STAB2: variants seen among roughly 807,000 people sequenced by gnomAD.
The protein encoded by STAB2 is stabilin-2.
Under a neutral mutation model 338.1 loss-of-function variants are expected in STAB2, and 288 were observed. The ratio of observed to expected loss-of-function variants is 0.85; its 90% CI spans 0.77 to 0.94. The LOEUF (loss-of-function observed/expected upper bound fraction) is 0.94. Ranked by LOEUF, STAB2 falls within the 40% of genes least tolerant of loss-of-function variation. The pLI is 0.00. For synonymous variants in STAB2, 1,202 were observed against 1,193.3 expected, an observed-to-expected ratio of 1.01 and a Z score of -0.15; for missense variants, 3,141 against 3,210.1, an observed-to-expected ratio of 0.98 and a Z score of 0.52.
chr12:103,731,506 TGAG>T, intron 49 of STAB2, 67 bp from the exon 50 acceptor site: 1 of 1,542,982 alleles, frequency 6.5e-7, no homozygotes, highest in Admixed American at 1.8e-5. Flanking sequence ...TTTTTTCACT[TGAG>T]CTCTTGTTAA....
At chr12:103,653,410 G>C (rs1030669331) in intron 12 of STAB2, among the ~76,000 whole-genome samples, 5 of 152,222 alleles carry the variant, frequency 3.3e-5, no homozygotes, top group African/African-American at 1.2e-4. Flanking sequence ...CATAATCCCT[G>C]TTGCTCCAGT....
intron 10 of STAB2, among the ~76,000 whole-genome samples, chr12:103,649,368 G>A (rs966869783): frequency 6.6e-6 from 1 of 152,172 alleles, no homozygotes; most frequent in East Asian, 1.9e-4. Context: ...CCCAGGCAAG[G>A]TGAGAGCCTA....
intron 18 of STAB2, 114 bp from the exon 19 acceptor site, chr12:103,666,177 A>T: frequency 9.7e-7 from 1 of 1,031,192 alleles, no homozygotes; most frequent in Non-Finnish European, 1.5e-6. Context: ...GGCCAGGATC[A>T]TGGCTCAGTG....
chr12:103,686,012 A>G (rs1186256471), intron 27 of STAB2, among the ~76,000 whole-genome samples: 1 of 152,024 alleles, frequency 6.6e-6, no homozygotes, highest in Non-Finnish European at 1.5e-5. Context: ...AACTTGTGAT[A>G]TTTGTCCCTC....
intron 43 of STAB2, among the ~76,000 whole-genome samples, chr12:103,717,346 A>G (rs766967303): frequency 6.6e-6 from 1 of 152,208 alleles, no homozygotes; most frequent in South Asian, 2.1e-4. Flanking sequence ...GTCTCTCCTT[A>G]GCATCTCCTA....
intron 54 of STAB2, 104 bp downstream of exon 54, chr12:103,739,572 T>TGTGTGTGTGTGTGTGTGTGTGC (rs373686630): frequency 2.7e-6 from 2 of 735,828 alleles, no homozygotes; most frequent in Admixed American, 3.8e-5. Context: ...TGTGTGTGTG[T>TGTGTGTGTGTGTGTGTGTGTGC]GCCCGTGCAC....
At chr12:103,758,424 G>C in intron 64 of STAB2, 135 bp downstream of exon 64, 1 of 1,443,552 alleles carries the variant, frequency 6.9e-7, no homozygotes, top group South Asian at 1.3e-5. Context: ...AGATCAGTTG[G>C]CCACTCCCTT....
intron 3 of STAB2, among the ~76,000 whole-genome samples, chr12:103,614,300 G>A (rs1018507306): frequency 2.0e-5 from 3 of 152,206 alleles, no homozygotes; most frequent in Non-Finnish European, 4.4e-5. Context: ...AAGGCATAGA[G>A]TGGAGCTCTT....
chr12:103,609,756 G>T (rs1210902705), intron 3 of STAB2, among the ~76,000 whole-genome samples: 1 of 152,122 alleles, frequency 6.6e-6, no homozygotes, highest in Admixed American at 6.5e-5. Flanking sequence ...GGACATCCCT[G>T]TCTTGTGCCA....
intron 47 of STAB2, among the ~76,000 whole-genome samples, chr12:103,728,419 T>C (rs563717266): frequency 1.3e-5 from 2 of 152,364 alleles, no homozygotes; most frequent in South Asian, 4.1e-4. Flanking sequence ...CTTGTTTGTA[T>C]TTTGAATTCC....
Position 103,655,237 on chromosome 12 carries a change from A to T in STAB2, c.1552-14A>T. 1.2e-6 allele frequency: 2 copies of T among 1,601,486 alleles called. No individual in the cohort carries two copies. Among genetic ancestry groups the T allele is most frequent in the Non-Finnish European group, 1.7e-6 (2 of 1,176,228 alleles). On this transcript the variant is annotated splice_polypyrimidine_tract_variant and intron_variant, in intron 13 of 68. Coordinates refer to ENST00000388887, the MANE Select transcript of STAB2 (RefSeq NM_017564.10). ...TTTTATTTCCTGATTTTTAAGCAAA[A>T]TGTCTCTTTTTAGCAAACCATAATG...
chr12:103,740,721 G>C lies in STAB2; in HGVS notation c.5846G>C (p.Arg1949Thr), dbSNP rs764971833. The C allele has an allele frequency of 3.7e-6, 6 of 1,600,828 alleles. No homozygotes were observed. In the African/African-American group the frequency reaches 8.1e-5, roughly 22 times the overall value. The part of the protein sequence containing the change: ...ERCSLVIQIP[R>T]CCKGYFGRDC... ...TGCAGCCTGGTGATACAGATCCCCA[G>C]GTGCTGCAAGGGCTACTTCGGGCGA... The change falls in exon 55 of 69, where the codon AGG becomes ACG. Residue 1949 changes from arginine (R) to threonine (T), a missense_variant. By Grantham distance (71) the Arg-to-Thr change is moderately conservative. Transcript: ENST00000388887.
chr12:103,763,838 G>A, intron 68 of STAB2: 2 of 442,600 alleles, frequency 4.5e-6, no homozygotes, highest in South Asian at 4.2e-5. Flanking sequence ...ACAGAGACAG[G>A]CGAGAACAAG....
chr12:103,664,390 C>T (rs926901551), intron 18 of STAB2, among the ~76,000 whole-genome samples: 6 of 152,278 alleles, frequency 3.9e-5, no homozygotes, highest in Admixed American at 6.5e-5. Flanking sequence ...GTGATCTGCC[C>T]GCCTCGGCCT....
chr12:103,762,341 C>T lies in STAB2; in HGVS notation c.7427C>T (p.Ala2476Val), dbSNP rs751834144. 6.2e-7 allele frequency: 1 copy of T among 1,614,198 alleles called. No individual in the cohort carries two copies. Among genetic ancestry groups the T allele is most frequent in the Non-Finnish European group, 8.5e-7 (1 of 1,180,044 alleles). The part of the protein sequence containing the change: ...FAIILVTGAV[A>V]LAAYSYFRIN... ...ATCATCCTGGTGACTGGGGCTGTTG[C>T]CTTGGCTGCTTACTCCTACTTTCGG... The change falls in exon 67 of 69, where the codon GCC (alanine) becomes GTC (valine). Residue 2476 changes from alanine (A) to valine (V), a missense_variant. Coordinates refer to ENST00000388887, the MANE Select transcript of STAB2 (RefSeq NM_017564.10).
In STAB2 at chr12:103,758,185, T is replaced by G; in HGVS notation, c.7003T>G (p.Ser2335Ala). Reference protein sequence around the residue: ...TNFLTEVLAYSNSSARGRAFL... With the variant: ...TNFLTEVLAYANSSARGRAFL... ...TTCTCCCCAGGAAGTGCTGGCCTAT[T>G]CCAACAGCTCAGCTCGAGGCCGTGC... Residue 2335 changes from serine to alanine, a missense_variant, in exon 64 of 69, where the codon TCC (serine) becomes GCC (alanine). Physicochemically the swap from Ser to Ala is moderately conservative, Grantham distance 99 (BLOSUM62 1). Transcript: ENST00000388887. 1 of 1,614,050 alleles carries G rather than the reference T, an allele frequency of 6.2e-7. No individual in the cohort carries two copies. Among genetic ancestry groups the G allele is most frequent in the Non-Finnish European group, 8.5e-7 (1 of 1,180,010 alleles).
intron 60 of STAB2, 90 bp from the exon 61 acceptor site, chr12:103,753,130 C>T (rs1157870950): frequency 1.2e-5 from 19 of 1,537,780 alleles, no homozygotes; most frequent in Non-Finnish European, 1.7e-5. Context: ...TATAGCTGGC[C>T]TTCATTTTGA....
rs1880450737 is a variant in STAB2 at position 103,717,850 on chromosome 12, G to A, written c.4683+9G>A. 2 of 1,614,030 alleles carry A rather than the reference G, an allele frequency of 1.2e-6. No individual in the cohort carries two copies. The highest frequency in any genetic ancestry group is 1.7e-6 in the Non-Finnish European group (2 of 1,179,936). The stretch of plus-strand genomic sequence containing the variant: ...TCAATGTCTGCTTAACTGTGAGTAT[G>A]GCTCTAGGGTGGATATCCTTCAAGC... On this transcript the variant is annotated intron_variant, in intron 44 of 68. Transcript: ENST00000388887.
intron 3 of STAB2, among the ~76,000 whole-genome samples, chr12:103,619,758 C>G (rs920156804): frequency 6.6e-6 from 1 of 151,212 alleles, no homozygotes; most frequent in Non-Finnish European, 1.5e-5. Context: ...CGCCCCCCGC[C>G]CCCGCCACCC....
Sources: gnomAD v4.1 joint callset for allele counts (sites outside exome capture counted in the v4.1 genomes callset) on GRCh38, gnomAD v4.1.1 for gene constraint, MANE v1.5 for transcripts, NCBI Gene and HGNC (gene_info 2026-07-23, HGNC 2026-07-21) for gene names.